Variants in CNTN5 observed in about 807,000 individuals in gnomAD.
The protein encoded by CNTN5 is contactin 5.
Under a neutral mutation model 129.1 loss-of-function variants are expected in CNTN5, and 77 were observed. The observed-to-expected ratio is 0.60, with a 90% confidence interval of 0.50 to 0.72. The LOEUF (loss-of-function observed/expected upper bound fraction) is 0.72, where lower values mean the gene tolerates loss of function less well. Among genes scored for constraint, CNTN5 ranks in the 30% least tolerant of loss-of-function variants. The pLI, the probability that CNTN5 is intolerant of heterozygous loss-of-function variation, is 0.00. For synonymous variants in CNTN5, 509 were observed against 465.6 expected (o/e 1.09, Z -1.20); for missense variants, 1,478 against 1,328.8 (o/e 1.11, Z -1.75).
At chr11:100,036,286 G>A (rs527387943) in intron 9 of CNTN5, among the ~76,000 whole-genome samples, 91 of 151,824 alleles carry the variant, frequency 6.0e-4, no homozygotes, top group South Asian at 1.9e-3. Flanking sequence ...GTAGATATGC[G>A]GCATTATTTC....
At chr11:99,415,260 T>C (rs1326456139) in intron 2 of CNTN5, among the ~76,000 whole-genome samples, 9 of 152,166 alleles carry the variant, frequency 5.9e-5, no homozygotes, top group African/African-American at 1.7e-4. Context: ...GGAAGCCATC[T>C]GATTTTCTTC....
At chr11:99,357,806 C>T (rs1055418203) in intron 2 of CNTN5, among the ~76,000 whole-genome samples, 1 of 151,638 alleles carries the variant, frequency 6.6e-6, no homozygotes, top group Admixed American at 6.6e-5. Context: ...GCCCCCACCT[C>T]TCATCTGTTA....
intron 13 of CNTN5, among the ~76,000 whole-genome samples, chr11:100,152,965 G>C (rs763847892): frequency 1.3e-5 from 2 of 151,778 alleles, no homozygotes; most frequent in African/African-American, 2.4e-5. Flanking sequence ...AGACATCATG[G>C]GTTGTTTTTA....
chr11:99,615,998 T>C (rs1325983636), intron 3 of CNTN5, among the ~76,000 whole-genome samples: 1 of 152,114 alleles, frequency 6.6e-6, no homozygotes, highest in Non-Finnish European at 1.5e-5. Flanking sequence ...GGCCTCTCAA[T>C]GTGTTGGGAT....
At chr11:99,275,324 C>CA (rs1317134236) in intron 1 of CNTN5, among the ~76,000 whole-genome samples, 8 of 151,396 alleles carry the variant, frequency 5.3e-5, no homozygotes, top group African/African-American at 1.9e-4. Flanking sequence ...GGTTAAAACA[C>CA]AGAAAAATGT....
chr11:100,233,528 A>C (rs1174123925), intron 16 of CNTN5, among the ~76,000 whole-genome samples: 2 of 152,184 alleles, frequency 1.3e-5, no homozygotes, highest in African/African-American at 4.8e-5. Context: ...AAAAGTAACT[A>C]ATCTTTGACC....
intron 23 of CNTN5, among the ~76,000 whole-genome samples, chr11:100,349,789 T>G (rs2139036166): frequency 6.6e-6 from 1 of 151,878 alleles, no homozygotes; most frequent in South Asian, 2.1e-4. Context: ...CCAAAAATTT[T>G]ACTTGACTAT....
At chr11:100,199,572 G>A (rs1229971609) in intron 15 of CNTN5, among the ~76,000 whole-genome samples, 4 of 151,818 alleles carry the variant, frequency 2.6e-5, no homozygotes, top group African/African-American at 9.7e-5. Flanking sequence ...ACCTTCAAAG[G>A]TTTTAGAATA....
At chr11:99,187,092 A>T (rs1858392326) in intron 1 of CNTN5, among the ~76,000 whole-genome samples, 1 of 151,940 alleles carries the variant, frequency 6.6e-6, no homozygotes, top group Non-Finnish European at 1.5e-5. Context: ...GTTCAGGAGC[A>T]TCTCACCAGG....
Position 99,234,813 on chromosome 11 carries a change from T to A in CNTN5, c.-209-90533T>A, listed in dbSNP as rs372691221. Among the ~76,000 whole-genome samples the A allele has an allele frequency of 2.0e-5, 3 of 152,222 alleles. No homozygotes were observed. In the East Asian group the frequency reaches 5.8e-4, roughly 29 times the overall value. The stretch of plus-strand genomic sequence containing the variant: ...GCCTAAGAAACAATCACTTGGTAAA[T>A]AGACTCAACTGACACAGATATCATT... On this transcript the variant is annotated intron_variant, in intron 1 of 24. Coordinates refer to ENST00000524871, the MANE Select transcript of CNTN5 (RefSeq NM_014361.4).
chr11:99,945,091 G>A lies in CNTN5; in HGVS notation c.674-11715G>A, dbSNP rs539396869. On this transcript the variant is annotated intron_variant, in intron 7 of 24. Coordinates refer to ENST00000524871, the MANE Select transcript of CNTN5 (RefSeq NM_014361.4). ...AGTATCGGATGGTTAAGAAAGAGAT[G>A]GGTACAGGTATGACAGCAAACCAGA... Among the ~76,000 whole-genome samples the A allele has an allele frequency of 1.1e-4, 17 of 152,130 alleles. No homozygotes were observed. The East Asian group carries it at 2.5e-3, about 22-fold the overall frequency.
chr11:99,309,893 A>G (rs1190825096), intron 1 of CNTN5, among the ~76,000 whole-genome samples: 1 of 152,210 alleles, frequency 6.6e-6, no homozygotes, highest in African/African-American at 2.4e-5. Context: ...AAGAGATTAT[A>G]GAATATAGCT....
chr11:99,592,339 A>T (rs1290688432), intron 3 of CNTN5, among the ~76,000 whole-genome samples: 7 of 152,320 alleles, frequency 4.6e-5, no homozygotes, highest in Non-Finnish European at 8.8e-5. Flanking sequence ...CCGGGGAAGG[A>T]ATAGAGATAA....
At chr11:100,308,832 T>C (rs1414744870) in intron 21 of CNTN5, 3 of 988,052 alleles carry the variant, frequency 3.0e-6, no homozygotes, top group Non-Finnish European at 3.6e-6. Context: ...TTTCCTTTTG[T>C]ACTTTATTGG....
chr11:100,254,689 T>C lies in CNTN5; in HGVS notation c.2006-1071T>C, dbSNP rs79809269. ...GAAGCTGTATTGTTGATACTCTCTATTCAAAGGTCTTCACCAACTCCTCCA... is the reference window on the plus strand; with the variant it reads ...GAAGCTGTATTGTTGATACTCTCTACTCAAAGGTCTTCACCAACTCCTCCA... On this transcript the variant is annotated intron_variant, in intron 16 of 24. Transcript: ENST00000524871. 9.2e-4 allele frequency among the ~76,000 whole-genome samples: 140 copies of C among 152,338 alleles called. 3 individuals are homozygous for C. The East Asian group carries it at 0.025, about 27-fold the overall frequency.
intron 1 of CNTN5, among the ~76,000 whole-genome samples, chr11:99,092,293 C>A (rs1208212611): frequency 1.3e-5 from 2 of 151,968 alleles, no homozygotes; most frequent in Non-Finnish European, 2.9e-5. Context: ...TATAAGTATA[C>A]CTCATTTATT....
At chr11:99,859,600 G>A (rs757646920) in intron 6 of CNTN5, among the ~76,000 whole-genome samples, 12 of 152,144 alleles carry the variant, frequency 7.9e-5, no homozygotes, top group Non-Finnish European at 1.6e-4. Context: ...AGAACGTGTG[G>A]TATTTGATTT....
chr11:99,545,494 A>G (rs1246979342), intron 2 of CNTN5, among the ~76,000 whole-genome samples: 1 of 152,254 alleles, frequency 6.6e-6, no homozygotes, highest in Non-Finnish European at 1.5e-5. Context: ...AAATTAAAAG[A>G]GAATTTAAAT....
chr11:100,003,007 A>C (rs1939970139), intron 9 of CNTN5, among the ~76,000 whole-genome samples: 1 of 152,120 alleles, frequency 6.6e-6, no homozygotes, highest in African/African-American at 2.4e-5. Context: ...CAGATACACA[A>C]GTGTGATTAT....
Sources: gnomAD v4.1 joint callset for allele counts (sites outside exome capture counted in the v4.1 genomes callset) on GRCh38, gnomAD v4.1.1 for gene constraint, MANE v1.5 for transcripts, NCBI Gene and HGNC (gene_info 2026-07-23, HGNC 2026-07-21) for gene names.